Variants in SIPA1L3 observed in about 807,000 individuals in gnomAD.
SIPA1L3 encodes signal-induced proliferation-associated 1-like protein 3.
A neutral mutation model predicts 150.1 loss-of-function variants in SIPA1L3; 59 were observed. The ratio of observed to expected loss-of-function variants is 0.39; its 90% CI spans 0.32 to 0.49. SIPA1L3 has a LOEUF of 0.49. Ranked by LOEUF, SIPA1L3 falls within the 20% of genes least tolerant of loss-of-function variation. The pLI, the probability that SIPA1L3 is intolerant of heterozygous loss-of-function variation, is 0.86. For synonymous variants in SIPA1L3, 1,070 were observed against 1,077.6 expected (o/e 0.99, Z 0.14); for missense variants, 2,211 against 2,489.5 (o/e 0.89, Z 2.38).
At chr19:37,912,800 C>T (rs542784815) in intron 1 of SIPA1L3, among the ~76,000 whole-genome samples, 3 of 152,216 alleles carry the variant, frequency 2.0e-5, no homozygotes, top group Non-Finnish European at 4.4e-5. Flanking sequence ...AGAGCCAACT[C>T]AATCACTTGA....
intron 1 of SIPA1L3, among the ~76,000 whole-genome samples, chr19:37,927,884 GT>G: frequency 6.6e-6 from 1 of 152,206 alleles, no homozygotes; most frequent in Middle Eastern, 3.4e-3. Context: ...TTTCATTCTT[GT>G]TTAATGGCTG....
At chr19:37,910,265 G>C (rs2046366950) in intron 1 of SIPA1L3, among the ~76,000 whole-genome samples, 1 of 151,962 alleles carries the variant, frequency 6.6e-6, no homozygotes, top group Non-Finnish European at 1.5e-5. Context: ...TTTGTTTTTA[G>C]CTATTAGAAT....
chr19:38,124,436 G>C, intron 9 of SIPA1L3, among the ~76,000 whole-genome samples: 1 of 150,562 alleles, frequency 6.6e-6, no homozygotes, highest in African/African-American at 2.5e-5. Context: ...TCACTTCCTA[G>C]ATGGGATGGC....
chr19:38,039,752 A>G lies in SIPA1L3; in HGVS notation c.-311+10596A>G, dbSNP rs190067988. Among the ~76,000 whole-genome samples, 84 of 151,824 alleles carry G rather than the reference A, an allele frequency of 5.5e-4. 1 individual carries two copies. Among genetic ancestry groups the G allele is most frequent in the African/African-American group, 2.0e-3 (82 of 41,380 alleles). On this transcript the variant is annotated intron_variant, in intron 2 of 21. Transcript: ENST00000222345. ...CCACCTGAAACATTCAGGGATTTGA[A>G]CAACATAATCAGCTGCCTTTCTGTA...
chr19:38,201,760 TAGG>T, intron 19 of SIPA1L3, 99 bp from the exon 20 acceptor site: 1 of 1,322,880 alleles, frequency 7.6e-7, no homozygotes, highest in South Asian at 1.5e-5. Flanking sequence ...CCAAGTGTGA[TAGG>T]AGGCATCATG....
chr19:37,955,969 G>C (rs2046806918), intron 1 of SIPA1L3, among the ~76,000 whole-genome samples: 1 of 152,196 alleles, frequency 6.6e-6, no homozygotes, highest in African/African-American at 2.4e-5. Flanking sequence ...CTGCCAGATT[G>C]TTTTCCAAAG....
intron 1 of SIPA1L3, among the ~76,000 whole-genome samples, chr19:37,968,881 A>G (rs1599851313): frequency 6.6e-6 from 1 of 152,226 alleles, no homozygotes; most frequent in Non-Finnish European, 1.5e-5. Context: ...TGCTATGACC[A>G]GGGAGGGGAA....
At chr19:37,945,640 A>G (rs1250171510) in intron 1 of SIPA1L3, among the ~76,000 whole-genome samples, 1 of 152,116 alleles carries the variant, frequency 6.6e-6, no homozygotes, top group African/African-American at 2.4e-5. Context: ...GTCTAGCTTA[A>G]GAGATCCCCC....
chr19:38,088,668 G>A, intron 3 of SIPA1L3, 53 bp from the exon 4 acceptor site: 2 of 1,593,966 alleles, frequency 1.3e-6, no homozygotes, highest in South Asian at 2.2e-5. Flanking sequence ...TGGGCATCAG[G>A]GCCCCTCCTT....
chr19:38,064,442 A>T (rs762787883), intron 2 of SIPA1L3, among the ~76,000 whole-genome samples: 1 of 152,258 alleles, frequency 6.6e-6, no homozygotes, highest in African/African-American at 2.4e-5. Context: ...CACGCCTGTA[A>T]TCCCAACACT....
intron 1 of SIPA1L3, among the ~76,000 whole-genome samples, chr19:38,009,097 T>G (rs1354392830): frequency 6.6e-6 from 1 of 151,918 alleles, no homozygotes; most frequent in African/African-American, 2.4e-5. Context: ...TACAATGGCA[T>G]GATCTCGGCT....
chr19:38,001,013 CAT>C (rs930426523), intron 1 of SIPA1L3, among the ~76,000 whole-genome samples: 18 of 149,256 alleles, frequency 1.2e-4, no homozygotes, highest in Admixed American at 2.0e-4. Context: ...ATCATATACA[CAT>C]ATATATCACA....
At chr19:38,130,025 C>G (rs1446682779) in intron 9 of SIPA1L3, among the ~76,000 whole-genome samples, 4 of 152,172 alleles carry the variant, frequency 2.6e-5, no homozygotes, top group Non-Finnish European at 5.9e-5. Context: ...TGAGATCATG[C>G]CGCTGCACTT....
At chr19:38,074,757 T>TTTG (rs758668536) in intron 2 of SIPA1L3, among the ~76,000 whole-genome samples, 6 of 152,166 alleles carry the variant, frequency 3.9e-5, no homozygotes, top group Non-Finnish European at 5.9e-5. Flanking sequence ...TATGTGGTGT[T>TTTG]TTGTTGTTGT....
chr19:38,132,929 T>C (rs1398095024), intron 10 of SIPA1L3, among the ~76,000 whole-genome samples: 1 of 152,194 alleles, frequency 6.6e-6, no homozygotes, highest in African/African-American at 2.4e-5. Context: ...ATTACAGATG[T>C]GAGCCACCGC....
At position 38,110,289 on chromosome 19, in the gene SIPA1L3, G is replaced by T. The variant is rs200828228; in HGVS notation, c.2196G>T (p.Ala732=). Residue 732 remains alanine (A), a synonymous_variant, in exon 8 of 22, where the codon GCG becomes GCT. Transcript: ENST00000222345. ...CGATCATCTTCCAGGAGCCTGGCGC[G>T]CTACCGTTCACCCCCAAGAACATCC... ...IVTIIFQEPG[A]LPFTPKNIRS... is the part of the protein sequence containing the mutation. 6 of 1,613,964 alleles carry T rather than the reference G, an allele frequency of 3.7e-6. No individual in the cohort carries two copies. In the African/African-American group the frequency reaches 8.0e-5, roughly 22 times the overall value.
At position 38,164,427 on chromosome 19, in the gene SIPA1L3, G is replaced by A; in HGVS notation, c.3781-52G>A. The A allele has an allele frequency of 6.6e-7, 1 of 1,524,890 alleles. No individual in the cohort carries two copies. The highest frequency in any genetic ancestry group is 8.9e-7 in the Non-Finnish European group (1 of 1,120,312). 94.5% of individuals were successfully genotyped at this position (1,524,890 alleles called of 1,614,324 possible). A position where few individuals can be genotyped will look rare whatever the true frequency, so the allele number is the denominator to read the frequency against. On this transcript the variant is annotated intron_variant, in intron 14 of 21. Coordinates refer to ENST00000222345, the MANE Select transcript of SIPA1L3 (RefSeq NM_015073.3). This position sits in a 1 kb window ranked among gnomAD's most constrained non-coding sequence, Gnocchi z 4.1. ...GCAGAGGGAGGACCCGGCAAGGGAA[G>A]ATGCGCCCCTGCCCTGGAGTCTGGG...
chr19:38,047,135 G>A lies in SIPA1L3; in HGVS notation c.-311+17979G>A, dbSNP rs1391370290. Among the ~76,000 whole-genome samples, 1 of 152,156 alleles carries A rather than the reference G, an allele frequency of 6.6e-6. No individual in the cohort carries two copies. The highest frequency in any genetic ancestry group is 1.5e-5 in the Non-Finnish European group (1 of 68,032). ...TGGGTTGTTTGCGTGAGCCACACAG[G>A]TAGGAAGTGGCAGAACCAGGATTTG... On this transcript the variant is annotated intron_variant, in intron 2 of 21. Transcript: ENST00000222345. The surrounding 1 kb of genome is among the most constrained non-coding windows in gnomAD (Gnocchi z 4.7).
intron 1 of SIPA1L3, among the ~76,000 whole-genome samples, chr19:37,972,279 T>G (rs1966961450): frequency 6.6e-6 from 1 of 151,974 alleles, no homozygotes; most frequent in Non-Finnish European, 1.5e-5. Context: ...CAAAGGAAAC[T>G]AATTGTCTTA....
Sources: allele counts gnomAD v4.1 joint callset (sites outside exome capture counted in the v4.1 genomes callset), GRCh38; gene constraint gnomAD v4.1.1; non-coding constraint Gnocchi (gnomAD v3.1); transcripts MANE v1.5; gene names NCBI Gene and HGNC (gene_info 2026-07-23, HGNC 2026-07-21).